C2orf66: variants seen among roughly 807,000 people sequenced by gnomAD.
C2orf66 encodes uncharacterized protein C2orf66.
Under a neutral mutation model 7.0 loss-of-function variants are expected in C2orf66, and 6 were observed. The observed-to-expected ratio is 0.86, with a 90% CI of 0.47 to 1.69. The LOEUF (loss-of-function observed/expected upper bound fraction) is 1.69, where lower values mean the gene tolerates loss of function less well. C2orf66 is among the 40% of genes most tolerant of loss of function. The probability of loss-of-function intolerance (pLI) is 0.01; values close to 1 mark genes in which losing one functional copy is unlikely to be tolerated. For missense variants in C2orf66, 107 were observed against 112.0 expected, an observed-to-expected ratio of 0.96 and a Z score of 0.20; for synonymous variants, 38 against 43.8, an observed-to-expected ratio of 0.87 and a Z score of 0.52.
intron 1 of C2orf66, 74 bp from the exon 2 acceptor site, chr2:196,807,696 T>C (rs944052881): frequency 8.0e-7 from 1 of 1,249,836 alleles, no homozygotes; most frequent in African/African-American, 1.5e-5. Context: ...TTCTTCCCTC[T>C]ATTTTTCCCC....
chr2:196,816,403 G>A, the C2orf66 span, among the ~76,000 whole-genome samples: 2 of 152,232 alleles, frequency 1.3e-5, no homozygotes, highest in Admixed American at 6.5e-5. Context: ...TCTATATTAA[G>A]TGTAAGTATA....
At chr2:196,806,747 T>C (rs1265425896) in intron 2 of C2orf66, among the ~76,000 whole-genome samples, 1 of 151,244 alleles carries the variant, frequency 6.6e-6, no homozygotes, top group East Asian at 2.0e-4. Context: ...TCCCAGCTAC[T>C]CAGGAGGCTG....
upstream of C2orf66, among the ~76,000 whole-genome samples, chr2:196,812,954 T>C (rs1576051078): frequency 6.6e-6 from 1 of 152,276 alleles, no homozygotes; most frequent in South Asian, 2.1e-4. Context: ...TGGAAAAACA[T>C]TCCATGCTCA....
At chr2:196,828,432 C>A in the C2orf66 span, among the ~76,000 whole-genome samples, 1 of 152,140 alleles carries the variant, frequency 6.6e-6, no homozygotes, top group African/African-American at 2.4e-5. Context: ...TGAAAAAAGA[C>A]TTTAGTTCCA....
intron 2 of C2orf66, among the ~76,000 whole-genome samples, chr2:196,806,338 C>T (rs1699819293): frequency 6.6e-6 from 1 of 152,010 alleles, no homozygotes; most frequent in Admixed American, 6.5e-5. Flanking sequence ...GCTGGGACTA[C>T]AGGCACTGGC....
the C2orf66 span, among the ~76,000 whole-genome samples, chr2:196,824,356 G>A: frequency 6.6e-6 from 1 of 152,024 alleles, no homozygotes; most frequent in Non-Finnish European, 1.5e-5. Context: ...TCCATCTGCT[G>A]AAAGGACAAA....
At chr2:196,827,311 G>A in the C2orf66 span, among the ~76,000 whole-genome samples, 920 of 151,154 alleles carry the variant, frequency 6.1e-3, 5 homozygotes, top group East Asian at 0.019. Context: ...AAAACTTGTT[G>A]GAACAAAGAA....
chr2:196,826,674 AC>A, the C2orf66 span, among the ~76,000 whole-genome samples: 1 of 152,156 alleles, frequency 6.6e-6, no homozygotes, highest in Non-Finnish European at 1.5e-5. Context: ...TGAATTTAAT[AC>A]CACTGAACTA....
upstream of C2orf66, among the ~76,000 whole-genome samples, chr2:196,810,965 G>A (rs1396620173): frequency 6.6e-6 from 1 of 152,232 alleles, no homozygotes; most frequent in East Asian, 1.9e-4. Context: ...GAAATAGCGA[G>A]TGCTATGAAA....
the C2orf66 span, among the ~76,000 whole-genome samples, chr2:196,816,531 G>A: frequency 6.6e-6 from 1 of 152,130 alleles, no homozygotes; most frequent in Non-Finnish European, 1.5e-5. Flanking sequence ...ATAGAAACTG[G>A]GGACTATTAG....
upstream of C2orf66, among the ~76,000 whole-genome samples, chr2:196,813,415 A>G (rs1236573363): frequency 1.3e-5 from 2 of 152,240 alleles, no homozygotes; most frequent in Non-Finnish European, 2.9e-5. Flanking sequence ...TACAGCTTAT[A>G]TGAATATTAA....
At chr2:196,810,037 AAAT>A (rs1368838483), upstream of C2orf66, 4 of 152,364 alleles carry the variant, frequency 2.6e-5, no homozygotes, top group Middle Eastern at 3.4e-3. Context: ...GGGAGTTAAA[AAAT>A]AATGATTCCT....
In C2orf66 at chr2:196,804,532, T is replaced by G. The variant is rs1195464221; in HGVS notation, c.*896A>C. ...ATGTTAGGACAATGTTGCATTTTAG[T>G]GCAACATTCCTTTTGCAGGAATCAC... is the stretch of plus-strand genomic sequence containing the variant. On this transcript the variant is annotated 3_prime_UTR_variant, in exon 3 of 3. Coordinates refer to ENST00000342506, the MANE Select transcript of C2orf66 (RefSeq NM_213608.3). Among the ~76,000 whole-genome samples the G allele has an allele frequency of 6.6e-6, 1 of 152,226 alleles. No individual in the cohort carries two copies. The highest frequency in any genetic ancestry group is 1.5e-5 in the Non-Finnish European group (1 of 68,028).
the C2orf66 span, among the ~76,000 whole-genome samples, chr2:196,814,978 T>A: frequency 3.9e-5 from 6 of 152,170 alleles, no homozygotes; most frequent in Admixed American, 6.5e-5. Flanking sequence ...TGTTTCTTTT[T>A]TTAAGAGACA....
At chr2:196,823,519 G>C in the C2orf66 span, among the ~76,000 whole-genome samples, 1 of 152,012 alleles carries the variant, frequency 6.6e-6, no homozygotes, top group Non-Finnish European at 1.5e-5. Context: ...AGTTACTTGG[G>C]GGGGCTGAGG....
chr2:196,828,433 T>C, the C2orf66 span, among the ~76,000 whole-genome samples: 1 of 152,302 alleles, frequency 6.6e-6, no homozygotes, highest in Admixed American at 6.5e-5. Flanking sequence ...GAAAAAAGAC[T>C]TTAGTTCCAT....
At chr2:196,823,879 G>A in the C2orf66 span, among the ~76,000 whole-genome samples, 1 of 152,096 alleles carries the variant, frequency 6.6e-6, no homozygotes, top group Non-Finnish European at 1.5e-5. Context: ...CAGACTCAGA[G>A]AGGCTAAATG....
chr2:196,826,236 C>T, the C2orf66 span, among the ~76,000 whole-genome samples: 1 of 152,108 alleles, frequency 6.6e-6, no homozygotes, highest in South Asian at 2.1e-4. Context: ...TCCACTATTG[C>T]CCTAAATATA....
At chr2:196,829,777 G>T in the C2orf66 span, among the ~76,000 whole-genome samples, 2 of 142,692 alleles carry the variant, frequency 1.4e-5, no homozygotes, top group East Asian at 4.3e-4. Flanking sequence ...GGCGCCTGTA[G>T]TCCCAGCTAC....
Sources: allele counts gnomAD v4.1 joint callset (sites outside exome capture counted in the v4.1 genomes callset), GRCh38; gene constraint gnomAD v4.1.1; transcripts MANE v1.5; gene names NCBI Gene and HGNC (gene_info 2026-07-23, HGNC 2026-07-21).